The following IL1RAPL1 variants were observed in gnomAD, a reference collection of about 807,000 sequenced individuals.
IL1RAPL1 encodes interleukin-1 receptor accessory protein-like 1.
In IL1RAPL1, 3 loss-of-function variants were observed where a neutral mutation model predicts 48.4. The ratio of observed to expected loss-of-function variants is 0.06; its 90% CI spans 0.03 to 0.16. IL1RAPL1 has a LOEUF of 0.16. IL1RAPL1 is among the 10% of genes least tolerant of loss of function. The pLI is 1.00. For synonymous variants in IL1RAPL1, 185 were observed against 187.7 expected, an observed-to-expected ratio of 0.99 and a Z score of 0.12; for missense variants, 349 against 530.6, an observed-to-expected ratio of 0.66 and a Z score of 3.36.
At chrX:28,707,820 C>T (rs1304138495) in intron 1 of IL1RAPL1, among the ~76,000 whole-genome samples, 2 of 112,124 alleles carry the variant, frequency 1.8e-5, no homozygotes, top group African/African-American at 6.5e-5. Context: ...TCCATTGACT[C>T]AGTATAAATA....
chrX:28,830,454 G>A (rs1000630220), intron 2 of IL1RAPL1, among the ~76,000 whole-genome samples: 13 of 111,444 alleles, frequency 1.2e-4, no homozygotes, highest in Middle Eastern at 4.6e-3. Context: ...TTTTGCTTTA[G>A]TTGTTATACT....
chrX:29,309,857 T>A (rs1206439315), intron 3 of IL1RAPL1, among the ~76,000 whole-genome samples: 4 of 103,566 alleles, frequency 3.9e-5, no homozygotes, highest in Admixed American at 2.1e-4. Context: ...GCACTTTGGG[T>A]GGCCGAGGTG....
At chrX:29,932,602 C>G (rs1932965027) in intron 8 of IL1RAPL1, among the ~76,000 whole-genome samples, 1 of 111,682 alleles carries the variant, frequency 9.0e-6, no homozygotes, top group Non-Finnish European at 1.9e-5. Context: ...TTGTGTCATT[C>G]TGTGTCTGAC....
intron 1 of IL1RAPL1, among the ~76,000 whole-genome samples, chrX:28,766,863 G>C (rs959877296): frequency 1.8e-5 from 2 of 110,779 alleles, no homozygotes; most frequent in African/African-American, 6.5e-5. Flanking sequence ...TGTTGCAAAT[G>C]ACAAGATCTC....
At chrX:28,826,085 A>G (rs1200181082) in intron 2 of IL1RAPL1, among the ~76,000 whole-genome samples, 1 of 111,834 alleles carries the variant, frequency 8.9e-6, no homozygotes, top group African/African-American at 3.2e-5. Flanking sequence ...GTTGGTTGCA[A>G]AGTTCTGTAA....
At chrX:29,732,542 G>T (rs891230102) in intron 6 of IL1RAPL1, among the ~76,000 whole-genome samples, 2 of 111,636 alleles carry the variant, frequency 1.8e-5, no homozygotes, top group African/African-American at 6.5e-5. Context: ...GCTAAAAAAT[G>T]GTGTAGACTT....
At chrX:29,053,848 T>G (rs1267975993) in intron 2 of IL1RAPL1, among the ~76,000 whole-genome samples, 3 of 111,989 alleles carry the variant, frequency 2.7e-5, no homozygotes, top group African/African-American at 9.7e-5. Flanking sequence ...TTGCTTGTTT[T>G]CTTCAACTTT....
chrX:29,315,151 C>G, intron 3 of IL1RAPL1, among the ~76,000 whole-genome samples: 1 of 111,817 alleles, frequency 8.9e-6, no homozygotes, highest in Non-Finnish European at 1.9e-5. Flanking sequence ...CTATTAATTT[C>G]CATGCTGGGT....
intron 8 of IL1RAPL1, among the ~76,000 whole-genome samples, chrX:29,931,057 T>C (rs1337978674): frequency 9.0e-6 from 1 of 111,696 alleles, no homozygotes; most frequent in Non-Finnish European, 1.9e-5. Flanking sequence ...AAGTTTGTCA[T>C]GGTTTAAGGA....
intron 5 of IL1RAPL1, among the ~76,000 whole-genome samples, chrX:29,467,449 T>C (rs765203283): frequency 8.9e-6 from 1 of 112,521 alleles, no homozygotes; most frequent in Non-Finnish European, 1.9e-5. Context: ...CTTGACCCCT[T>C]AGTGGGACTT....
chrX:29,391,822 A>G (rs1303013112), intron 3 of IL1RAPL1, among the ~76,000 whole-genome samples: 1 of 111,753 alleles, frequency 8.9e-6, no homozygotes, highest in African/African-American at 3.3e-5. Flanking sequence ...TATAGAAGAG[A>G]CCAGTGAATT....
At chrX:29,891,248 A>G (rs1245544206) in intron 6 of IL1RAPL1, among the ~76,000 whole-genome samples, 1 of 112,441 alleles carries the variant, frequency 8.9e-6, no homozygotes, top group Non-Finnish European at 1.9e-5. Flanking sequence ...AATAACATCA[A>G]TGATGCCAGC....
intron 6 of IL1RAPL1, among the ~76,000 whole-genome samples, chrX:29,873,741 A>T (rs1043086173): frequency 3.6e-5 from 4 of 111,948 alleles, no homozygotes; most frequent in African/African-American, 1.3e-4. Context: ...GAGTCTGTGT[A>T]TGTGCATGTG....
intron 5 of IL1RAPL1, among the ~76,000 whole-genome samples, chrX:29,616,520 C>T (rs1165390739): frequency 9.7e-6 from 1 of 102,671 alleles, no homozygotes; most frequent in Admixed American, 1.1e-4. Context: ...TGATGTTCCC[C>T]TTCCCGTGTC....
At chrX:29,138,261 C>T (rs1246243039) in intron 2 of IL1RAPL1, among the ~76,000 whole-genome samples, 1 of 111,793 alleles carries the variant, frequency 8.9e-6, no homozygotes, top group Non-Finnish European at 1.9e-5. Context: ...TAACTTATCA[C>T]CCTTTACTGC....
At chrX:28,599,731 G>A in intron 1 of IL1RAPL1, among the ~76,000 whole-genome samples, 2 of 112,005 alleles carry the variant, frequency 1.8e-5, no homozygotes, top group South Asian at 7.5e-4. Flanking sequence ...TAAAGCTTAT[G>A]GACCAGTGGG....
At chrX:28,719,748 G>A (rs1299605842) in intron 1 of IL1RAPL1, among the ~76,000 whole-genome samples, 1 of 110,764 alleles carries the variant, frequency 9.0e-6, no homozygotes, top group African/African-American at 3.3e-5. Context: ...ATTTCTTTTT[G>A]AACAGTAGAA....
At chrX:29,600,967 A>G (rs1021528388) in intron 5 of IL1RAPL1, among the ~76,000 whole-genome samples, 3 of 111,027 alleles carry the variant, frequency 2.7e-5, no homozygotes, top group African/African-American at 9.8e-5. Context: ...GCTGGTGCCC[A>G]GGGCTGAGAA....
At chrX:29,129,429 C>T (rs1048405688) in intron 2 of IL1RAPL1, among the ~76,000 whole-genome samples, 2 of 110,489 alleles carry the variant, frequency 1.8e-5, no homozygotes, top group African/African-American at 6.6e-5. Context: ...CTTAAACTCA[C>T]AATTTTTTGT....
Sources: allele counts gnomAD v4.1 joint callset (sites outside exome capture counted in the v4.1 genomes callset), GRCh38; gene constraint gnomAD v4.1.1; transcripts MANE v1.5; gene names NCBI Gene and HGNC (gene_info 2026-07-23, HGNC 2026-07-21).